Variants in WDR70 observed in about 807,000 individuals in gnomAD.
The protein encoded by WDR70 is WD repeat-containing protein 70.
A neutral mutation model predicts 88.6 loss-of-function variants in WDR70; 53 were observed. The observed-to-expected ratio is 0.60, with a 90% CI of 0.48 to 0.75. WDR70 has a LOEUF of 0.75. WDR70 is among the 30% of genes least tolerant of loss of function. WDR70 has a pLI of 0.00. For missense variants in WDR70, 610 were observed against 823.2 expected, an observed-to-expected ratio of 0.74 and a Z score of 3.17; for synonymous variants, 280 against 270.0, an observed-to-expected ratio of 1.04 and a Z score of -0.36.
chr5:37,390,717 G>GTT lies in WDR70; in HGVS notation c.176-1268_176-1267dup, dbSNP rs560301932. On this transcript the variant is annotated intron_variant, in intron 3 of 17. Transcript: ENST00000265107. ...GTAGGAAATTCAGAAAAAAAGTGCT[G>GTT]TTTTTTTTTTTTTTTTGAGATGATG... is the stretch of plus-strand genomic sequence containing the variant. Among the ~76,000 whole-genome samples the GTT allele has an allele frequency of 6.8e-3, 902 of 132,396 alleles. 17 individuals are homozygous for GTT. Among genetic ancestry groups the GTT allele is most frequent in the African/African-American group, 0.022 (795 of 35,880 alleles). 86.9% of individuals were successfully genotyped at this position (132,396 alleles called of 152,430 possible).
chr5:37,443,607 C>T (rs954755739), intron 7 of WDR70, among the ~76,000 whole-genome samples: 3 of 152,188 alleles, frequency 2.0e-5, no homozygotes, highest in Non-Finnish European at 4.4e-5. Context: ...AATTCCAGAA[C>T]TTTAGAAAGC....
chr5:37,609,616 T>C (rs1744129872), intron 10 of WDR70, among the ~76,000 whole-genome samples: 1 of 152,248 alleles, frequency 6.6e-6, no homozygotes, highest in African/African-American at 2.4e-5. Context: ...TAGGCACCAC[T>C]AGCAACTTGA....
At chr5:37,697,950 GT>G (rs1357276651) in intron 11 of WDR70, 196 bp downstream of exon 11, 3 of 475,090 alleles carry the variant, frequency 6.3e-6, no homozygotes, top group African/African-American at 5.8e-5. Context: ...CAAGTAAAAT[GT>G]TTAAATATTT....
chr5:37,534,913 T>C (rs1741617156), intron 9 of WDR70, among the ~76,000 whole-genome samples: 1 of 152,148 alleles, frequency 6.6e-6, no homozygotes, highest in South Asian at 2.1e-4. Flanking sequence ...TGCTGTTTGG[T>C]TGATTTTTTT....
At position 37,733,557 on chromosome 5, in the gene WDR70, G is replaced by T. The variant is rs549702472; in HGVS notation, c.1877+6512G>T. On this transcript the variant is annotated intron_variant, in intron 17 of 17. Coordinates refer to ENST00000265107, the MANE Select transcript of WDR70 (RefSeq NM_018034.4). Reference sequence around the variant, plus strand: ...ACTCATGAATTTTAATCAATTTCTGGGTTCTCTGTTCTGTTCTGTCAATTG... The same window carrying T: ...ACTCATGAATTTTAATCAATTTCTGTGTTCTCTGTTCTGTTCTGTCAATTG... Among the ~76,000 whole-genome samples, 442 of 151,674 alleles carry T rather than the reference G, an allele frequency of 2.9e-3. 3 individuals are homozygous for T. The highest frequency in any genetic ancestry group is 4.6e-3 in the Non-Finnish European group (313 of 67,884).
chr5:37,451,622 TA>T (rs58640424), intron 7 of WDR70, among the ~76,000 whole-genome samples: 131,792 of 152,056 alleles, frequency 0.87, 60,178 homozygotes, highest in East Asian at 1. Context: ...CCTCTAGACA[TA>T]AAAAATATGT....
intron 9 of WDR70, among the ~76,000 whole-genome samples, chr5:37,537,541 C>T (rs1741701407): frequency 6.6e-6 from 1 of 152,124 alleles, no homozygotes; most frequent in African/African-American, 2.4e-5. Flanking sequence ...AGATCAAAAG[C>T]TTCCATTGTT....
At chr5:37,475,470 T>A (rs1002473269) in intron 7 of WDR70, among the ~76,000 whole-genome samples, 3 of 152,098 alleles carry the variant, frequency 2.0e-5, no homozygotes, top group Non-Finnish European at 4.4e-5. Context: ...ACTCCCTATC[T>A]CAGGTGATCC....
chr5:37,534,401 G>C lies in WDR70; in HGVS notation c.917+17811G>C, dbSNP rs555453687. Among the ~76,000 whole-genome samples, 62 of 151,666 alleles carry C rather than the reference G, an allele frequency of 4.1e-4. No homozygotes were observed. The South Asian group carries it at 0.013, about 31-fold the overall frequency. On this transcript the variant is annotated intron_variant, in intron 9 of 17. Coordinates refer to ENST00000265107, the MANE Select transcript of WDR70 (RefSeq NM_018034.4). The stretch of plus-strand genomic sequence containing the variant: ...TGTAGTTTATCCCATTCCTTTAAAA[G>C]ATAATTCTTTAGTTCCCTGTCCAAA...
chr5:37,736,367 A>T (rs1748304815), intron 17 of WDR70, among the ~76,000 whole-genome samples: 1 of 152,148 alleles, frequency 6.6e-6, no homozygotes, highest in African/African-American at 2.4e-5. Flanking sequence ...TATCATTCCC[A>T]CCTATAAAGG....
At chr5:37,615,558 A>G (rs1744314230) in intron 10 of WDR70, among the ~76,000 whole-genome samples, 1 of 152,174 alleles carries the variant, frequency 6.6e-6, no homozygotes, top group African/African-American at 2.4e-5. Context: ...TGTTGAGGTG[A>G]TGAAATATTT....
At chr5:37,689,477 G>A (rs999577305) in intron 10 of WDR70, among the ~76,000 whole-genome samples, 3 of 152,164 alleles carry the variant, frequency 2.0e-5, no homozygotes, top group South Asian at 2.1e-4. Flanking sequence ...CCTCTGGGAC[G>A]AAGCTTCCAG....
chr5:37,505,412 T>C (rs1740529816), intron 8 of WDR70, among the ~76,000 whole-genome samples: 2 of 152,154 alleles, frequency 1.3e-5, no homozygotes, highest in South Asian at 4.1e-4. Flanking sequence ...GGAACTTGCC[T>C]CTGGTATTGA....
intron 9 of WDR70, among the ~76,000 whole-genome samples, chr5:37,564,467 G>A (rs554464651): frequency 1.8e-4 from 27 of 152,108 alleles, no homozygotes; most frequent in Non-Finnish European, 3.5e-4. Flanking sequence ...AGTGAGCCGA[G>A]ATGGCAGCAG....
intron 6 of WDR70, among the ~76,000 whole-genome samples, chr5:37,441,061 T>C (rs1318684376): frequency 6.6e-6 from 1 of 152,056 alleles, no homozygotes; most frequent in Non-Finnish European, 1.5e-5. Context: ...ACAAATGGAG[T>C]TGTAATTTTA....
chr5:37,592,777 C>T (rs951652613), intron 9 of WDR70, among the ~76,000 whole-genome samples: 2 of 152,026 alleles, frequency 1.3e-5, no homozygotes, highest in Non-Finnish European at 2.9e-5. Context: ...CCAGCCAGTG[C>T]AATAAGACAA....
At chr5:37,695,109 G>A (rs933140386) in intron 10 of WDR70, among the ~76,000 whole-genome samples, 1 of 152,136 alleles carries the variant, frequency 6.6e-6, no homozygotes, top group Non-Finnish European at 1.5e-5. Context: ...GAAACTTACA[G>A]TCTTGGTAGA....
chr5:37,573,469 T>C (rs982485931), intron 9 of WDR70, among the ~76,000 whole-genome samples: 3 of 151,920 alleles, frequency 2.0e-5, no homozygotes, highest in Non-Finnish European at 2.9e-5. Context: ...CATGTTGGTG[T>C]GCTGCACCCA....
chr5:37,677,154 T>A lies in WDR70; in HGVS notation c.1093-20501T>A, dbSNP rs1746253392. Among the ~76,000 whole-genome samples, 3 of 152,204 alleles carry A rather than the reference T, an allele frequency of 2.0e-5. No individual in the cohort carries two copies. In the South Asian group the frequency reaches 6.2e-4, roughly 32 times the overall value. ...TTCTTTATTAGTCTTGCTAGTGGTC[T>A]ATCAATTTTGTTGATCCTTTCAAAA... On this transcript the variant is annotated intron_variant, in intron 10 of 17. Coordinates refer to ENST00000265107, the MANE Select transcript of WDR70 (RefSeq NM_018034.4).
Sources: allele counts gnomAD v4.1 joint callset (sites outside exome capture counted in the v4.1 genomes callset), GRCh38; gene constraint gnomAD v4.1.1; transcripts MANE v1.5; gene names NCBI Gene and HGNC (gene_info 2026-07-23, HGNC 2026-07-21).